Variants in TTLL5 observed in about 807,000 individuals in gnomAD.
TTLL5 encodes the protein tubulin polyglutamylase TTLL5.
A neutral mutation model predicts 168.4 loss-of-function variants in TTLL5; 132 were observed. The ratio of observed to expected loss-of-function variants is 0.78; its 90% CI spans 0.68 to 0.91. TTLL5 has a LOEUF of 0.91. Ranked by LOEUF, TTLL5 falls within the 40% of genes least tolerant of loss-of-function variation. The pLI is 0.00. For missense variants in TTLL5, 1,545 were observed against 1,581.5 expected (o/e 0.98, Z 0.39); for synonymous variants, 546 against 558.6 (o/e 0.98, Z 0.32).
At chr14:75,928,212 C>T (rs970166578) in intron 31 of TTLL5, among the ~76,000 whole-genome samples, 3 of 151,780 alleles carry the variant, frequency 2.0e-5, no homozygotes, top group Non-Finnish European at 4.4e-5. Context: ...GGGAAAGCAG[C>T]ATTTCATTGC....
intron 12 of TTLL5, among the ~76,000 whole-genome samples, chr14:75,730,954 G>A (rs1357980222): frequency 6.6e-6 from 1 of 151,974 alleles, no homozygotes; most frequent in Admixed American, 6.6e-5. Context: ...TCCTGACCTC[G>A]TGATCTGCCT....
intron 2 of TTLL5, among the ~76,000 whole-genome samples, chr14:75,665,372 C>T (rs1336902147): frequency 6.6e-6 from 1 of 152,108 alleles, no homozygotes; most frequent in Non-Finnish European, 1.5e-5. Context: ...GTCGGGGGTA[C>T]TGGGAAGCAG....
chr14:75,686,303 A>G (rs1413932191), intron 5 of TTLL5, among the ~76,000 whole-genome samples: 2 of 152,174 alleles, frequency 1.3e-5, no homozygotes. Context: ...TTAAGGTGCT[A>G]ATTGCCCCGA....
At chr14:75,691,960 T>G (rs533453085) in intron 6 of TTLL5, among the ~76,000 whole-genome samples, 1 of 152,222 alleles carries the variant, frequency 6.6e-6, no homozygotes, top group Non-Finnish European at 1.5e-5. Context: ...CTGGGGCCAT[T>G]GGTTGGCAAT....
chr14:75,861,275 C>T (rs1033240182), intron 28 of TTLL5, among the ~76,000 whole-genome samples: 1 of 152,104 alleles, frequency 6.6e-6, no homozygotes, highest in Non-Finnish European at 1.5e-5. Flanking sequence ...GAATACAGTT[C>T]ACGGACTTAC....
chr14:75,810,729 A>G (rs1350773593), intron 27 of TTLL5, among the ~76,000 whole-genome samples: 1 of 152,216 alleles, frequency 6.6e-6, no homozygotes, highest in African/African-American at 2.4e-5. Context: ...AAATTTGCAG[A>G]CATCCTTAGT....
At chr14:75,684,010 T>C (rs1233984112) in intron 5 of TTLL5, 1 of 215,486 alleles carries the variant, frequency 4.6e-6, no homozygotes, top group Admixed American at 5.3e-5. Context: ...CTGACCTCAA[T>C]TGATCTGCCT....
chr14:75,867,789 C>G (rs2139966222), intron 29 of TTLL5, among the ~76,000 whole-genome samples: 1 of 150,370 alleles, frequency 6.7e-6, no homozygotes, highest in East Asian at 2.0e-4. Context: ...AAAAAAATTT[C>G]AGGATGGTTG....
chr14:75,675,600 CAAG>C (rs1884081438), intron 3 of TTLL5, among the ~76,000 whole-genome samples: 1 of 152,176 alleles, frequency 6.6e-6, no homozygotes, highest in Non-Finnish European at 1.5e-5. Context: ...TGCTAGTAGT[CAAG>C]GAGGACCATG....
Position 75,883,469 on chromosome 14 carries a change from C to T in TTLL5, c.3740+567C>T, listed in dbSNP as rs373052257. Among the ~76,000 whole-genome samples, 40 of 152,220 alleles carry T rather than the reference C, an allele frequency of 2.6e-4. 2 individuals are homozygous for T. The South Asian group carries it at 6.2e-3, about 24-fold the overall frequency. ...TCTAGCAGCCCTTCTTCAGTTTAAACTTGGGGAACTTTTAGAGATGTCTGG... is the reference window on the plus strand; with the variant it reads ...TCTAGCAGCCCTTCTTCAGTTTAAATTTGGGGAACTTTTAGAGATGTCTGG... On this transcript the variant is annotated intron_variant, in intron 30 of 31. Coordinates refer to ENST00000298832, the MANE Select transcript of TTLL5 (RefSeq NM_015072.5).
At chr14:75,773,941 GAGAGAGAGAGAGAGAA>G (rs1294095754) in intron 21 of TTLL5, among the ~76,000 whole-genome samples, 10 of 38,246 alleles carry the variant, frequency 2.6e-4, no homozygotes, top group South Asian at 1.3e-3. Context: ...GAGAGAGAGA[GAGAGAGAGAGAGAGAA>G]AGAGAGAGAG....
At chr14:75,862,024 A>G (rs75684144) in intron 28 of TTLL5, among the ~76,000 whole-genome samples, 8,923 of 152,228 alleles carry the variant, frequency 0.059, 360 homozygotes, top group Admixed American at 0.12. Flanking sequence ...CCCTAATTCC[A>G]TAGCCCTTGA....
intron 6 of TTLL5, among the ~76,000 whole-genome samples, chr14:75,694,932 C>A (rs563247382): frequency 6.6e-6 from 1 of 152,038 alleles, no homozygotes; most frequent in Non-Finnish European, 1.5e-5. Context: ...GTGATAATTG[C>A]GTTAACTGCA....
intron 3 of TTLL5, 104 bp downstream of exon 3, chr14:75,669,626 T>C: frequency 1.2e-6 from 1 of 846,648 alleles, no homozygotes; most frequent in Non-Finnish European, 1.7e-6. Context: ...GCCTTGGCCA[T>C]GAGAAAAATC....
rs1892120417 is a variant in TTLL5 at position 75,782,561 on chromosome 14, G to A, written c.2590G>A (p.Asp864Asn). ...KQQQTTEIHS[D>N]KLSRFTTSAE... is the part of the protein sequence containing the mutation. ...GCAACAGACGACAGAAATTCATTCT[G>A]ATAAATTATCTCGTGAGTGATTTCA... Residue 864 changes from aspartate (D) to asparagine (N), a missense_variant, in exon 25 of 32, where the codon GAT (aspartate) becomes AAT (asparagine). Physicochemically the swap from Asp to Asn is conservative, Grantham distance 23. Transcript: ENST00000298832. The A allele has an allele frequency of 6.2e-7, 1 of 1,613,574 alleles. No individual in the cohort carries two copies. Among genetic ancestry groups the A allele is most frequent in the East Asian group, 2.2e-5 (1 of 44,830 alleles).
chr14:75,893,075 G>A (rs187039206), intron 30 of TTLL5, among the ~76,000 whole-genome samples: 5 of 152,302 alleles, frequency 3.3e-5, no homozygotes, highest in Admixed American at 2.0e-4. Context: ...GAACTGGAAC[G>A]TGAATTCTTT....
intron 31 of TTLL5, among the ~76,000 whole-genome samples, chr14:75,943,998 C>G (rs1169258281): frequency 6.6e-6 from 1 of 152,188 alleles, no homozygotes; most frequent in Non-Finnish European, 1.5e-5. Context: ...AAGAAATGAT[C>G]TGGGCACTTG....
At chr14:75,900,824 A>C (rs1236923089) in intron 30 of TTLL5, among the ~76,000 whole-genome samples, 1 of 152,124 alleles carries the variant, frequency 6.6e-6, no homozygotes, top group Non-Finnish European at 1.5e-5. Context: ...TCATCATCTA[A>C]ACCAGGTTCC....
At chr14:75,925,124 G>C (rs2033982701) in intron 31 of TTLL5, among the ~76,000 whole-genome samples, 2 of 148,632 alleles carry the variant, frequency 1.3e-5, no homozygotes, top group African/African-American at 5.0e-5. Context: ...CGGGGCGGCT[G>C]GCCGGGCGGG....
Sources: gnomAD v4.1 joint callset for allele counts (sites outside exome capture counted in the v4.1 genomes callset) on GRCh38, gnomAD v4.1.1 for gene constraint, MANE v1.5 for transcripts, NCBI Gene and HGNC (gene_info 2026-07-23, HGNC 2026-07-21) for gene names.